TLE1: variants seen among roughly 807,000 people sequenced by gnomAD.
The protein encoded by TLE1 is TLE family member 1, transcriptional corepressor.
In TLE1, 21 loss-of-function variants were observed where a neutral mutation model predicts 89.8. That is an observed-to-expected ratio of 0.23 (90% CI 0.17 to 0.34). TLE1 has a LOEUF of 0.34. TLE1 is among the 10% of genes least tolerant of loss of function. The pLI, the probability that TLE1 is intolerant of heterozygous loss-of-function variation, is 1.00. For missense variants in TLE1, 795 were observed against 1,031.2 expected, an observed-to-expected ratio of 0.77 and a Z score of 3.14; for synonymous variants, 447 against 407.6, an observed-to-expected ratio of 1.10 and a Z score of -1.16.
chr9:81,584,549 GT>G (rs1828060934), intron 18 of TLE1, 25 bp from the exon 19 acceptor site: 1 of 1,608,238 alleles, frequency 6.2e-7, no homozygotes. Flanking sequence ...GGAATATCTA[GT>G]TTTCACAAGG....
chr9:81,653,100 A>G (rs1283131772), intron 5 of TLE1, among the ~76,000 whole-genome samples: 1 of 152,200 alleles, frequency 6.6e-6, no homozygotes, highest in African/African-American at 2.4e-5. Context: ...CTAAAGTCTA[A>G]CAACTACTGA....
At chr9:81,648,345 ATATCT>A (rs1476862802) in intron 6 of TLE1, among the ~76,000 whole-genome samples, 1 of 152,060 alleles carries the variant, frequency 6.6e-6, no homozygotes, top group African/African-American at 2.4e-5. Context: ...AAAAAAGCAA[ATATCT>A]TTCTTTAGGA....
Position 81,615,992 on chromosome 9 carries a change from T to G in TLE1, c.908A>C (p.Glu303Ala), listed in dbSNP as rs986440487. 1.9e-6 allele frequency: 3 copies of G among 1,613,794 alleles called. No individual in the cohort carries two copies. Among genetic ancestry groups the G allele is most frequent in the Non-Finnish European group, 2.5e-6 (3 of 1,180,014 alleles). The stretch of plus-strand genomic sequence containing the variant: ...GTTTTCTTTACCTACCAAGCTCATT[T>G]CTTTGGATTTCAAAGAAGTGGAACT... ...SASSTSLKSK[E>A]MSLHEKASTP... Residue 303 changes from glutamate to alanine, a missense_variant, in exon 11 of 20, where the codon GAA becomes GCA. Physicochemically the swap from Glu to Ala is moderately radical, Grantham distance 107 (BLOSUM62 -1). This residue lies in a region of TLE1 where 468 missense variants were observed against 509.1 expected (regional missense o/e 0.92). Transcript: ENST00000376499.
chr9:81,667,170 C>T lies in TLE1; in HGVS notation c.235-13134G>A, dbSNP rs548412802. Among the ~76,000 whole-genome samples, 333 of 151,842 alleles carry T rather than the reference C, an allele frequency of 2.2e-3. 1 individual carries two copies. Among genetic ancestry groups the T allele is most frequent in the Non-Finnish European group, 2.4e-3 (162 of 67,896 alleles). Reference sequence around the variant, plus strand: ...GCTCACACCTACAATTCCAGCATTTCGGGAGGCCGAGGCAGGTGGATCACT... The same window carrying T: ...GCTCACACCTACAATTCCAGCATTTTGGGAGGCCGAGGCAGGTGGATCACT... On this transcript the variant is annotated intron_variant, in intron 4 of 19. Transcript: ENST00000376499.
intron 1 of TLE1, among the ~76,000 whole-genome samples, chr9:81,687,878 A>C (rs1564093390): frequency 6.6e-6 from 1 of 151,908 alleles, no homozygotes; most frequent in African/African-American, 2.4e-5. Context: ...CCGCATTGAC[A>C]TGTAAATAGG....
intron 5 of TLE1, among the ~76,000 whole-genome samples, chr9:81,653,421 T>C (rs937729186): frequency 1.3e-5 from 2 of 152,190 alleles, no homozygotes; most frequent in African/African-American, 4.8e-5. Context: ...ATAAAGAGAT[T>C]CCTCCCTCAA....
intron 4 of TLE1, among the ~76,000 whole-genome samples, chr9:81,676,352 C>T (rs1222253519): frequency 6.6e-6 from 1 of 152,138 alleles, no homozygotes; most frequent in Non-Finnish European, 1.5e-5. Context: ...ACCATTATTA[C>T]AGGACACTGA....
At chr9:81,634,705 A>G (rs1376538699) in intron 6 of TLE1, among the ~76,000 whole-genome samples, 1 of 152,080 alleles carries the variant, frequency 6.6e-6, no homozygotes, top group African/African-American at 2.4e-5. Context: ...ATGTCACTCA[A>G]TCTAAGATGC....
Position 81,584,063 on chromosome 9 carries a change from A to T in TLE1, c.*135T>A. 1.4e-6 allele frequency: 1 copy of T among 738,490 alleles called. No homozygotes were observed. Among genetic ancestry groups the T allele is most frequent in the Non-Finnish European group, 2.2e-6 (1 of 447,592 alleles). The allele number at this position is 738,490 out of a possible 1,614,324, so 45.7% of individuals were successfully genotyped here. ...TTGTCGCCTCCTCTTTGTAGACTCA[A>T]AGTAGTTTTCTGTCAAGGTTTGGAA... On this transcript the variant is annotated 3_prime_UTR_variant, in exon 20 of 20. Transcript: ENST00000376499.
chr9:81,681,551 CAA>C (rs35808742), intron 4 of TLE1, among the ~76,000 whole-genome samples: 7 of 128,284 alleles, frequency 5.5e-5, no homozygotes, highest in Admixed American at 7.9e-5. Context: ...TTCCGTCGCG[CAA>C]AAAAAAAAAA....
intron 8 of TLE1, among the ~76,000 whole-genome samples, chr9:81,622,243 G>A (rs1825362114): frequency 6.6e-6 from 1 of 152,066 alleles, no homozygotes; most frequent in South Asian, 2.1e-4. Flanking sequence ...TCCAGACTCT[G>A]TGCAGCATCC....
chr9:81,652,136 C>A (rs757740185), intron 6 of TLE1, 78 bp downstream of exon 6: 1 of 1,399,416 alleles, frequency 7.1e-7, no homozygotes, highest in African/African-American at 1.4e-5. Context: ...CACACACACA[C>A]ACGTAAAGCC....
intron 13 of TLE1, among the ~76,000 whole-genome samples, 188 bp from the exon 14 acceptor site, chr9:81,610,484 C>G (rs1447594634): frequency 6.6e-6 from 1 of 152,120 alleles, no homozygotes; most frequent in Non-Finnish European, 1.5e-5. Flanking sequence ...GCCACAAGAC[C>G]CACTTCCTTT....
Position 81,587,907 on chromosome 9 carries a change from C to CGTGTGTGT in TLE1, c.1830-87_1830-80dup, listed in dbSNP as rs71496083. ...CACTGTTGTGTTGTTAGTTTTGGAC[C>CGTGTGTGT]GTGTGTGTGTGTGTGTGTGTGTGTG... On this transcript the variant is annotated intron_variant, in intron 16 of 19. Transcript: ENST00000376499. 503 of 753,754 alleles carry CGTGTGTGT rather than the reference C, an allele frequency of 6.7e-4. 3 individuals carry two copies. Among genetic ancestry groups the CGTGTGTGT allele is most frequent in the East Asian group, 1.5e-3 (48 of 31,504 alleles). The allele number at this position is 753,754 out of a possible 1,614,324, so 46.7% of individuals were successfully genotyped here. A position where few individuals can be genotyped will look rare whatever the true frequency, so the allele number is the denominator to read the frequency against.
chr9:81,642,924 T>C (rs1043195384), intron 6 of TLE1, among the ~76,000 whole-genome samples: 3 of 152,200 alleles, frequency 2.0e-5, no homozygotes, highest in Non-Finnish European at 4.4e-5. Flanking sequence ...TCCTACCACT[T>C]ACGACAACAT....
Position 81,673,403 on chromosome 9 carries a change from G to A in TLE1, c.234+12273C>T, listed in dbSNP as rs12346622. ...ACACGGTAATGGGAAAATCAGTTCA[G>A]AGGTAGGAAGGAAGCTGGGTTTGCA... On this transcript the variant is annotated intron_variant, in intron 4 of 19. Coordinates refer to ENST00000376499, the MANE Select transcript of TLE1 (RefSeq NM_005077.5). 1.1e-3 allele frequency among the ~76,000 whole-genome samples: 162 copies of A among 150,890 alleles called. 1 individual carries two copies. Among genetic ancestry groups the A allele is most frequent in the Admixed American group, 1.7e-3 (26 of 15,054 alleles).
At chr9:81,646,234 A>G (rs561016819) in intron 6 of TLE1, among the ~76,000 whole-genome samples, 6 of 152,376 alleles carry the variant, frequency 3.9e-5, no homozygotes, top group African/African-American at 7.2e-5. Context: ...CACTGAGGAA[A>G]AGTTCTGCAT....
At chr9:81,599,003 G>A (rs567939079) in intron 14 of TLE1, among the ~76,000 whole-genome samples, 4 of 152,274 alleles carry the variant, frequency 2.6e-5, no homozygotes, top group Non-Finnish European at 5.9e-5. Flanking sequence ...AGTAACATGT[G>A]GGCACCAAGC....
intron 12 of TLE1, 100 bp from the exon 13 acceptor site, chr9:81,612,059 G>A: frequency 1.0e-6 from 1 of 966,334 alleles, no homozygotes; most frequent in South Asian, 3.9e-5. Flanking sequence ...CTCATGGGGA[G>A]AGAGAAAGAG....
Sources: gnomAD v4.1 joint callset for allele counts (sites outside exome capture counted in the v4.1 genomes callset) on GRCh38, gnomAD v4.1.1 for gene constraint, gnomAD v4.1.1 regional missense constraint, MANE v1.5 for transcripts, NCBI Gene and HGNC (gene_info 2026-07-23, HGNC 2026-07-21) for gene names.